Variants in TEKT4 observed in about 807,000 individuals in gnomAD.
TEKT4 encodes the protein tektin 4, also known as tektin-4.
TEKT4 carries 46 observed loss-of-function variants against 46.0 expected under a neutral mutation model. That is an observed-to-expected ratio of 1.00 (90% CI 0.79 to 1.28). The LOEUF is 1.28. TEKT4 is among the 50% of genes most tolerant of loss of function. The probability of loss-of-function intolerance (pLI) is 0.00; values close to 1 mark genes in which losing one functional copy is unlikely to be tolerated. For synonymous variants in TEKT4, 325 were observed against 265.8 expected (o/e 1.22, Z -2.17); for missense variants, 790 against 622.9 (o/e 1.27, Z -2.85).
At position 94,874,772 on chromosome 2, in the gene TEKT4, G is replaced by A. The variant is rs782052951; in HGVS notation, c.714-4G>A. 22 of 1,564,298 alleles carry A rather than the reference G, an allele frequency of 1.4e-5. No homozygotes were observed. The highest frequency in any genetic ancestry group is 5.5e-5 in the Admixed American group (3 of 54,142). On this transcript the variant is annotated splice_polypyrimidine_tract_variant and splice_region_variant and intron_variant, in intron 3 of 5. Transcript: ENST00000295201. ...CCCTCTCCTGGCTGTCCCCCGCCCC[G>A]CAGCGCCTCCACCCCGGAGACCCGG...
In TEKT4 at chr2:94,871,860, G is replaced by C. The variant is rs199695568; in HGVS notation, c.281G>C (p.Arg94Pro). 1.2e-6 allele frequency: 2 copies of C among 1,602,020 alleles called. No homozygotes were observed. Among genetic ancestry groups the C allele is most frequent in the South Asian group, 1.1e-5 (1 of 90,384 alleles). Reference protein sequence around the residue: ...QQDSTRTVGERLQDTHSWKSE... With the variant: ...QQDSTRTVGEPLQDTHSWKSE... ...GACTCCACGCGCACAGTGGGCGAGCGACTGCAGGACACGCACAGCTGGAAG... is the reference window on the plus strand; with the variant it reads ...GACTCCACGCGCACAGTGGGCGAGCCACTGCAGGACACGCACAGCTGGAAG... The change falls in exon 1 of 6, where the codon CGA (arginine) becomes CCA (proline). Residue 94 changes from arginine (R) to proline (P), a missense_variant. Coordinates refer to ENST00000295201, the MANE Select transcript of TEKT4 (RefSeq NM_144705.4).
Position 94,871,576 on chromosome 2 carries a change from C to G in TEKT4, c.-4C>G, listed in dbSNP as rs1464245166. On this transcript the variant is annotated 5_prime_UTR_variant, in exon 1 of 6. Transcript: ENST00000295201. ...TCCCCTGGCCCTGGTGGGCGGCAGGCACCATGGCGCAGACAGTGCCGCCCT... is the reference window on the plus strand; with the variant it reads ...TCCCCTGGCCCTGGTGGGCGGCAGGGACCATGGCGCAGACAGTGCCGCCCT... 3 of 1,594,642 alleles carry G rather than the reference C, an allele frequency of 1.9e-6. No individual in the cohort carries two copies. The highest frequency in any genetic ancestry group is 1.7e-6 in the Non-Finnish European group (2 of 1,170,808).
Position 94,872,925 on chromosome 2 carries a change from G to A in TEKT4, c.499-595G>A, listed in dbSNP as rs868908076. The A allele has an allele frequency of 2.2e-5, 28 of 1,289,294 alleles. No individual in the cohort carries two copies. In the Admixed American group the frequency reaches 3.0e-4, roughly 14 times the overall value. The allele number at this position is 1,289,294 out of a possible 1,614,324, so 79.9% of individuals were successfully genotyped here. A position where few individuals can be genotyped will look rare whatever the true frequency, so the allele number is the denominator to read the frequency against. On this transcript the variant is annotated intron_variant, in intron 1 of 5. Transcript: ENST00000295201. ...ACTGATGGAGACACTGACAGTGCACGGAGAGGCAAACCCAGGGATAGAGGG... is the reference window on the plus strand; with the variant it reads ...ACTGATGGAGACACTGACAGTGCACAGAGAGGCAAACCCAGGGATAGAGGG...
chr2:94,876,395 T>C (rs181579674), intron 5 of TEKT4, among the ~76,000 whole-genome samples, 158 bp from the exon 6 acceptor site: 22 of 152,286 alleles, frequency 1.4e-4, no homozygotes, highest in African/African-American at 5.3e-4. Context: ...TCGTAATTTA[T>C]GCTCTGCCCT....
At chr2:94,873,367 C>G (rs1456355983) in intron 1 of TEKT4, 153 bp from the exon 2 acceptor site, 1 of 1,484,134 alleles carries the variant, frequency 6.7e-7, no homozygotes, top group Non-Finnish European at 9.0e-7. Flanking sequence ...CAAGATAAAC[C>G]CAGTGAGAGA....
Position 94,874,864 on chromosome 2 carries a change from G to A in TEKT4, c.802G>A (p.Val268Met), listed in dbSNP as rs781912293. 2 of 1,609,314 alleles carry A rather than the reference G, an allele frequency of 1.2e-6. No individual in the cohort carries two copies. Among genetic ancestry groups the A allele is most frequent in the South Asian group, 1.1e-5 (1 of 90,046 alleles). Reference sequence around the variant, plus strand: ...GCGCCTGGCCTCGGCCAACCTGCGGGTGCTGGTGGACTGCATCCTTCGCGA... The same window carrying A: ...GCGCCTGGCCTCGGCCAACCTGCGGATGCTGGTGGACTGCATCCTTCGCGA... ...RERLASANLR[V>M]LVDCILRDTS... is the part of the protein sequence containing the mutation. The change falls in exon 4 of 6, where the codon GTG becomes ATG. Residue 268 changes from valine to methionine, a missense_variant. By Grantham distance (21) the Val-to-Met change is conservative. Coordinates refer to ENST00000295201, the MANE Select transcript of TEKT4 (RefSeq NM_144705.4).
chr2:94,875,027 C>A (rs782743051), intron 4 of TEKT4, 29 bp downstream of exon 4: 2 of 1,553,798 alleles, frequency 1.3e-6, no homozygotes, highest in East Asian at 2.4e-5. Context: ...CGAAGACGGC[C>A]CCCTCTCATC....
In TEKT4 at chr2:94,874,968, G is replaced by A. The variant is rs782032781; in HGVS notation, c.906G>A (p.Ala302=). 1.9e-5 allele frequency: 31 copies of A among 1,609,362 alleles called. No individual in the cohort carries two copies. The highest frequency in any genetic ancestry group is 2.1e-4 in the Middle Eastern group (1 of 4,758). The change falls in exon 4 of 6, where the codon GCG becomes GCA. Residue 302 remains alanine (A), a synonymous_variant. Coordinates refer to ENST00000295201, the MANE Select transcript of TEKT4 (RefSeq NM_144705.4). The stretch of plus-strand genomic sequence containing the variant: ...GCCGCTGTGAGGAGCTGGAGGACGC[G>A]CGGTACAAGCTGCATCACCACCTGC... ...FGRRCEELED[A]RYKLHHHLHK...
rs782410418 is a variant in TEKT4, at chr2:94,875,662, T to G, written c.1011T>G (p.Pro337=). 5 of 1,614,164 alleles carry G rather than the reference T, an allele frequency of 3.1e-6. No individual in the cohort carries two copies. The South Asian group carries it at 5.5e-5, about 18-fold the overall frequency. ...LKQAIKDKEA[P]LHVAQTRLYL... ...AGGCCATCAAGGACAAAGAGGCACCTCTGCACGTAGCCCAGACCCGGCTGT... is the reference window on the plus strand; with the variant it reads ...AGGCCATCAAGGACAAAGAGGCACCGCTGCACGTAGCCCAGACCCGGCTGT... Residue 337 remains proline (P), a synonymous_variant, in exon 5 of 6, where the codon CCT becomes CCG. Coordinates refer to ENST00000295201, the MANE Select transcript of TEKT4 (RefSeq NM_144705.4).
At position 94,871,604 on chromosome 2, in the gene TEKT4, G is replaced by A. The variant is rs782753394; in HGVS notation, c.25G>A (p.Glu9Lys). 1.4e-5 allele frequency: 23 copies of A among 1,610,150 alleles called. No homozygotes were observed. The highest frequency in any genetic ancestry group is 8.8e-5 in the South Asian group (8 of 90,698). MAQTVPPC[E>K]LPCKEYDVAR... Reference sequence around the variant, plus strand: ...CATGGCGCAGACAGTGCCGCCCTGCGAGCTGCCCTGCAAAGAGTACGACGT... The same window carrying A: ...CATGGCGCAGACAGTGCCGCCCTGCAAGCTGCCCTGCAAAGAGTACGACGT... The change falls in exon 1 of 6, where the codon GAG becomes AAG. Residue 9 changes from glutamate (E) to lysine (K), a missense_variant. By Grantham distance (56) the Glu-to-Lys change is moderately conservative (BLOSUM62 1). Transcript: ENST00000295201.
At chr2:94,872,135 C>CCT in intron 1 of TEKT4, 58 bp downstream of exon 1, 1 of 1,476,194 alleles carries the variant, frequency 6.8e-7, no homozygotes, top group Non-Finnish European at 9.0e-7. Flanking sequence ...AGCCCCCCCC[C>CCT]CCGCAGTTCA....
intron 1 of TEKT4, chr2:94,873,258 G>C (rs1680659632): frequency 2.2e-6 from 3 of 1,341,490 alleles, no homozygotes; most frequent in South Asian, 1.5e-5. Context: ...GAAGCCTGGG[G>C]CGTGGGAACT....
Position 94,873,589 on chromosome 2 carries a change from C to G in TEKT4, c.568C>G (p.Arg190Gly), listed in dbSNP as rs79674061. 1.1e-5 allele frequency: 18 copies of G among 1,613,518 alleles called. No individual in the cohort carries two copies. The South Asian group carries it at 1.9e-4, about 17-fold the overall frequency. The part of the protein sequence containing the change: ...RTIMQAVSQI[R>G]LNREHKETCE... ...CATCATGCAAGCAGTGAGCCAGATC[C>G]GGTGGGTAGAGGGCTGCCCAAGGGA... The change falls in exon 2 of 6, where the codon CGA becomes GGA. Residue 190 changes from arginine to glycine, a missense_variant and splice_region_variant. Physicochemically the swap from Arg to Gly is moderately radical, Grantham distance 125. Coordinates refer to ENST00000295201, the MANE Select transcript of TEKT4 (RefSeq NM_144705.4).
Position 94,876,726 on chromosome 2 carries a change from G to C in TEKT4, c.1265G>C (p.Arg422Pro). 4 of 1,610,918 alleles carry C rather than the reference G, an allele frequency of 2.5e-6. No individual in the cohort carries two copies. The highest frequency in any genetic ancestry group is 3.4e-6 in the Non-Finnish European group (4 of 1,179,976). Residue 422 changes from arginine (R) to proline (P), a missense_variant, in exon 6 of 6, where the codon CGT (arginine) becomes CCT (proline). Coordinates refer to ENST00000295201, the MANE Select transcript of TEKT4 (RefSeq NM_144705.4). ...GACCGCCAGAAGTGCATGGCCCATC[G>C]TACTCGCTACCCCACCATCCTGCAG... ...FIDRQKCMAHRTRYPTILQLA... is the reference protein window; with the variant it reads ...FIDRQKCMAHPTRYPTILQLA...
rs1680619474 is a variant in TEKT4 at position 94,872,428 on chromosome 2, G to A, written c.498+351G>A. On this transcript the variant is annotated intron_variant, in intron 1 of 5. Coordinates refer to ENST00000295201, the MANE Select transcript of TEKT4 (RefSeq NM_144705.4). ...AAGGTGGAAACCCAGGTCTGGGCCA[G>A]CACTGCAGGTGTGGACAGGTAAGGT... 2.4e-5 allele frequency: 10 copies of A among 412,370 alleles called. No individual in the cohort carries two copies. The East Asian group carries it at 4.5e-4, about 19-fold the overall frequency. 25.5% of individuals were successfully genotyped at this position (412,370 alleles called of 1,614,324 possible). A position where few individuals can be genotyped will look rare whatever the true frequency, so the allele number is the denominator to read the frequency against.
chr2:94,874,645 C>G, intron 3 of TEKT4, 131 bp from the exon 4 acceptor site: 1 of 824,386 alleles, frequency 1.2e-6, no homozygotes, highest in South Asian at 1.8e-5. Context: ...TGTGGGGCAG[C>G]ATGGGGTGCA....
At chr2:94,874,344 C>T (rs782566305) in intron 3 of TEKT4, among the ~76,000 whole-genome samples, 5 of 152,182 alleles carry the variant, frequency 3.3e-5, no homozygotes, top group Admixed American at 6.5e-5. Context: ...CAGACCCAGG[C>T]GCTGGCAGGA....
At chr2:94,876,296 G>A (rs1680850387) in intron 5 of TEKT4, among the ~76,000 whole-genome samples, 1 of 152,156 alleles carries the variant, frequency 6.6e-6, no homozygotes, top group Non-Finnish European at 1.5e-5. Context: ...ACTGAGCCTG[G>A]TCGGCTGAGG....
chr2:94,875,250 CA>C (rs1407986273), intron 4 of TEKT4, among the ~76,000 whole-genome samples: 6 of 152,142 alleles, frequency 3.9e-5, no homozygotes, highest in Non-Finnish European at 8.8e-5. Flanking sequence ...GGGAGGTCCC[CA>C]AGAGTCCTGG....
Sources: allele counts gnomAD v4.1 joint callset (sites outside exome capture counted in the v4.1 genomes callset), GRCh38; gene constraint gnomAD v4.1.1; transcripts MANE v1.5; gene names NCBI Gene and HGNC (gene_info 2026-07-23, HGNC 2026-07-21).